Variants in SLC35F2 observed in about 807,000 individuals in gnomAD.
The protein encoded by SLC35F2 is queuine/queuosine transporter SLC35F2.
In SLC35F2, 25 loss-of-function variants were observed where a neutral mutation model predicts 38.1. The ratio of observed to expected loss-of-function variants is 0.66; its 90% confidence interval spans 0.48 to 0.92. The LOEUF is 0.92. Ranked by LOEUF, SLC35F2 falls within the 40% of genes least tolerant of loss-of-function variation. SLC35F2 has a pLI of 0.00. For missense variants in SLC35F2, 409 were observed against 452.9 expected (o/e 0.90, Z 0.88); for synonymous variants, 173 against 181.7 (o/e 0.95, Z 0.38).
At chr11:107,811,338 T>C (rs772363927) in intron 3 of SLC35F2, 494 of 690,240 alleles carry the variant, frequency 7.2e-4, no homozygotes, top group Non-Finnish European at 8.5e-4. Flanking sequence ...AACAAAGGTA[T>C]ACTTTCATAT....
chr11:107,811,980 C>T (rs1555083470), intron 2 of SLC35F2, among the ~76,000 whole-genome samples, 186 bp from the exon 3 acceptor site: 1 of 152,110 alleles, frequency 6.6e-6, no homozygotes, highest in Non-Finnish European at 1.5e-5. Context: ...CGGCTCACTG[C>T]AACCTCTGCC....
At chr11:107,838,834 GC>G (rs1235029496) in intron 1 of SLC35F2, among the ~76,000 whole-genome samples, 1 of 150,676 alleles carries the variant, frequency 6.6e-6, no homozygotes, top group Non-Finnish European at 1.5e-5. Flanking sequence ...TCGCCATATT[GC>G]CCAAGCTGGT....
chr11:107,840,584 A>T (rs143309324), intron 1 of SLC35F2: 1 of 152,312 alleles, frequency 6.6e-6, no homozygotes, highest in African/African-American at 2.4e-5. Context: ...AAATTGTCCA[A>T]TGCAATCCTC....
intron 4 of SLC35F2, 96 bp downstream of exon 4, chr11:107,806,617 AAAAG>A (rs1183506664): frequency 8.9e-7 from 1 of 1,125,966 alleles, no homozygotes; most frequent in Non-Finnish European, 1.3e-6. Flanking sequence ...CAGTGACTTA[AAAAG>A]AAATACTCCA....
intron 1 of SLC35F2, among the ~76,000 whole-genome samples, chr11:107,819,918 G>T (rs982616868): frequency 6.6e-6 from 1 of 152,100 alleles, no homozygotes; most frequent in Non-Finnish European, 1.5e-5. Context: ...CATACTGTCC[G>T]TAAAAGGCAG....
At chr11:107,824,516 C>G (rs1181984074) in intron 1 of SLC35F2, among the ~76,000 whole-genome samples, 1 of 152,158 alleles carries the variant, frequency 6.6e-6, no homozygotes, top group East Asian at 1.9e-4. Flanking sequence ...ATGTGCTGTT[C>G]TGGAAAAGGC....
At chr11:107,856,917 GAGGGAGGGAA>G (rs1860297231) in intron 1 of SLC35F2, among the ~76,000 whole-genome samples, 1 of 123,554 alleles carries the variant, frequency 8.1e-6, no homozygotes, top group Admixed American at 8.1e-5. Flanking sequence ...GGGAGGGAGG[GAGGGAGGGAA>G]AAGAGGGAAG....
At chr11:107,811,848 T>C in intron 2 of SLC35F2, 54 bp from the exon 3 acceptor site, 1 of 1,501,304 alleles carries the variant, frequency 6.7e-7, no homozygotes, top group Non-Finnish European at 9.1e-7. Flanking sequence ...ATACCATACA[T>C]GTTGATTTGA....
At chr11:107,850,074 G>A (rs528255404) in intron 1 of SLC35F2, among the ~76,000 whole-genome samples, 8 of 152,318 alleles carry the variant, frequency 5.3e-5, no homozygotes, top group African/African-American at 1.9e-4. Context: ...TTTCAGAGCA[G>A]CTGATAGGAA....
intron 3 of SLC35F2, 99 bp from the exon 4 acceptor site, chr11:107,806,975 A>G (rs2134777500): frequency 9.1e-7 from 1 of 1,093,754 alleles, no homozygotes; most frequent in South Asian, 1.6e-5. Flanking sequence ...AATAGGAGTC[A>G]GTATTTATTG....
intron 1 of SLC35F2, among the ~76,000 whole-genome samples, chr11:107,844,875 C>G (rs1408043871): frequency 6.8e-6 from 1 of 147,438 alleles, no homozygotes; most frequent in African/African-American, 2.5e-5. Context: ...ACTCGGGAGG[C>G]TAAGGCAGGA....
chr11:107,821,522 T>C (rs1305767865), intron 1 of SLC35F2: 5 of 985,418 alleles, frequency 5.1e-6, no homozygotes, highest in East Asian at 1.1e-4. Flanking sequence ...CTCAAACTTA[T>C]AGACACTGAA....
rs547727796 is a variant in SLC35F2 at position 107,853,930 on chromosome 11, T to C, written c.110+4728A>G. ...AAGGAATACGCGTTTTTAAAATATATGAATAGGCCTGGTGCAGTGACTCAT... is the reference window on the plus strand; with the variant it reads ...AAGGAATACGCGTTTTTAAAATATACGAATAGGCCTGGTGCAGTGACTCAT... On this transcript the variant is annotated intron_variant, in intron 1 of 7. Transcript: ENST00000525815. 7.2e-5 allele frequency among the ~76,000 whole-genome samples: 11 copies of C among 152,068 alleles called. No individual in the cohort carries two copies. In the South Asian group the frequency reaches 2.3e-3, roughly 32 times the overall value.
At position 107,805,288 on chromosome 11, in the gene SLC35F2, T is replaced by C. The variant is rs1022315908; in HGVS notation, c.731+71A>G. 5.5e-6 allele frequency: 8 copies of C among 1,466,582 alleles called. No individual in the cohort carries two copies. The Admixed American group carries it at 1.7e-4, about 31-fold the overall frequency. The allele number at this position is 1,466,582 out of a possible 1,614,324, so 90.8% of individuals were successfully genotyped here. ...ATGTGAATTTGGGCCAAATAAACAA[T>C]GAATATTAGTAGTTATCATCTATAA... On this transcript the variant is annotated intron_variant, in intron 5 of 7. Transcript: ENST00000525815.
chr11:107,824,029 T>C (rs1383237435), intron 1 of SLC35F2: 1 of 984,096 alleles, frequency 1.0e-6, no homozygotes. Flanking sequence ...TCCATCTCCA[T>C]AGTCCTACGA....
chr11:107,842,299 G>A (rs1231419569), intron 1 of SLC35F2, among the ~76,000 whole-genome samples: 1 of 125,324 alleles, frequency 8.0e-6, no homozygotes. Flanking sequence ...AAGCTTGACT[G>A]GAAGTTGTTT....
intron 1 of SLC35F2, among the ~76,000 whole-genome samples, chr11:107,832,390 T>A (rs1591201800): frequency 6.6e-6 from 1 of 152,200 alleles, no homozygotes; most frequent in Non-Finnish European, 1.5e-5. Context: ...ATGAATTGAT[T>A]GATGGATCAA....
chr11:107,793,736 A>G (rs1251389631), intron 7 of SLC35F2, among the ~76,000 whole-genome samples: 1 of 152,224 alleles, frequency 6.6e-6, no homozygotes, highest in Non-Finnish European at 1.5e-5. Flanking sequence ...GACTGAGTGT[A>G]AGGTCCGGTG....
intron 1 of SLC35F2, among the ~76,000 whole-genome samples, chr11:107,834,458 C>G (rs530384218): frequency 7.9e-4 from 121 of 152,224 alleles, no homozygotes; most frequent in South Asian, 1.5e-3. Flanking sequence ...CGAGAACAGC[C>G]TGGCCAACAT....
Sources: gnomAD v4.1 joint callset for allele counts (sites outside exome capture counted in the v4.1 genomes callset) on GRCh38, gnomAD v4.1.1 for gene constraint, MANE v1.5 for transcripts, NCBI Gene and HGNC (gene_info 2026-07-23, HGNC 2026-07-21) for gene names.